The following DNAH8 variants were observed in gnomAD, a reference collection of about 807,000 sequenced individuals.
DNAH8 encodes axonemal beta dynein heavy chain 8.
A neutral mutation model predicts 562.1 loss-of-function variants in DNAH8; 382 were observed. The observed-to-expected ratio is 0.68, with a 90% CI of 0.63 to 0.74. DNAH8 has a LOEUF of 0.74. DNAH8 is among the 30% of genes least tolerant of loss of function. The pLI is 0.00. For missense variants in DNAH8, 5,203 were observed against 5,620.4 expected, an observed-to-expected ratio of 0.93 and a Z score of 2.37; for synonymous variants, 1,881 against 1,919.4, an observed-to-expected ratio of 0.98 and a Z score of 0.52.
intron 11 of DNAH8, chr6:38,763,086 A>G (rs1766679615): frequency 2.8e-6 from 1 of 361,084 alleles, no homozygotes; most frequent in Admixed American, 3.9e-5. Flanking sequence ...CAGCCAGTGA[A>G]CCAATAAAAG....
At chr6:38,832,989 T>C (rs1773969086) in intron 31 of DNAH8, among the ~76,000 whole-genome samples, 2 of 152,112 alleles carry the variant, frequency 1.3e-5, no homozygotes, top group Admixed American at 6.6e-5. Context: ...AAACTTCTAA[T>C]ACCAGGATAT....
Position 38,949,084 on chromosome 6 carries a change from G to A in DNAH8, c.12130-368G>A, listed in dbSNP as rs114191823. Among the ~76,000 whole-genome samples, 640 of 152,042 alleles carry A rather than the reference G, an allele frequency of 4.2e-3. 5 individuals carry two copies. The highest frequency in any genetic ancestry group is 0.014 in the African/African-American group (591 of 41,464). ...GGTGCTACTGGCATCTAGTGGATAG[G>A]GACGCTGCTAAACATCCTACAATGC... On this transcript the variant is annotated intron_variant, in intron 80 of 92. Transcript: ENST00000327475.
intron 18 of DNAH8, among the ~76,000 whole-genome samples, chr6:38,788,186 T>C (rs1158964272): frequency 1.3e-5 from 2 of 151,610 alleles, no homozygotes; most frequent in Admixed American, 6.6e-5. Flanking sequence ...GGAGTCTTGC[T>C]CTGTTGCCAG....
chr6:38,816,100 G>A (rs1362206017), intron 26 of DNAH8, among the ~76,000 whole-genome samples: 2 of 150,408 alleles, frequency 1.3e-5, no homozygotes, highest in Non-Finnish European at 3.0e-5. Flanking sequence ...TTAGTTCTAG[G>A]GTACATGTGC....
intron 91 of DNAH8, among the ~76,000 whole-genome samples, chr6:39,023,915 C>T (rs1029918048): frequency 6.6e-6 from 1 of 152,206 alleles, no homozygotes; most frequent in African/African-American, 2.4e-5. Flanking sequence ...TTCTAGAGTT[C>T]ACCTCCTGGC....
intron 83 of DNAH8, among the ~76,000 whole-genome samples, chr6:38,973,384 T>C (rs571045563): frequency 1.3e-5 from 2 of 152,330 alleles, no homozygotes; most frequent in South Asian, 2.1e-4. Flanking sequence ...GCACACACTG[T>C]ACTTACACAA....
chr6:39,016,832 A>G (rs1561979917), intron 91 of DNAH8, among the ~76,000 whole-genome samples: 1 of 152,146 alleles, frequency 6.6e-6, no homozygotes, highest in Non-Finnish European at 1.5e-5. Flanking sequence ...GTGCTACCTC[A>G]AGGACAAGTG....
rs114966337 is a variant in DNAH8, at chr6:38,722,549, A to G, written c.-34-227A>G. ...GAGCCATAACATAATCAGGAGGAGC[A>G]CTTAAAGTCTGAAAAAGCTCCCAGG... On this transcript the variant is annotated intron_variant, in intron 1 of 92. Coordinates refer to ENST00000327475, the MANE Select transcript of DNAH8 (RefSeq NM_001206927.2). 1.9e-3 allele frequency among the ~76,000 whole-genome samples: 286 copies of G among 151,458 alleles called. 2 individuals carry two copies. The highest frequency in any genetic ancestry group is 6.5e-3 in the African/African-American group (266 of 41,184).
rs147106812 is a variant in DNAH8 at position 38,947,586 on chromosome 6, T to A, written c.12130-1866T>A. Among the ~76,000 whole-genome samples, 33 of 152,180 alleles carry A rather than the reference T, an allele frequency of 2.2e-4. 2 individuals carry two copies. The East Asian group carries it at 3.3e-3, about 15-fold the overall frequency. On this transcript the variant is annotated intron_variant, in intron 80 of 92. Coordinates refer to ENST00000327475, the MANE Select transcript of DNAH8 (RefSeq NM_001206927.2). ...TTTCTTCCTGTGCCTCAGCTGCAGA[T>A]GTGGAGGAGGCCTGTGGGGGACACT...
intron 86 of DNAH8, 94 bp downstream of exon 86, chr6:38,982,556 C>G (rs1032252559): frequency 4.0e-6 from 3 of 748,400 alleles, no homozygotes; most frequent in Non-Finnish European, 6.8e-6. Flanking sequence ...TGTGAATTTG[C>G]TGAGCCCCAT....
intron 5 of DNAH8, 66 bp from the exon 6 acceptor site, chr6:38,737,001 G>A (rs1764145978): frequency 8.5e-7 from 1 of 1,170,650 alleles, no homozygotes; most frequent in Non-Finnish European, 1.2e-6. Flanking sequence ...TATAAAACAG[G>A]TTATGATTTT....
intron 88 of DNAH8, among the ~76,000 whole-genome samples, chr6:39,002,948 G>A (rs1356665930): frequency 1.3e-5 from 2 of 152,138 alleles, no homozygotes; most frequent in Non-Finnish European, 2.9e-5. Flanking sequence ...CAGATAGTTC[G>A]GGTATGCATG....
intron 76 of DNAH8, among the ~76,000 whole-genome samples, chr6:38,932,216 A>ACACACACACACACACACACACACACC (rs375631180): frequency 5.5e-5 from 8 of 145,636 alleles, no homozygotes; most frequent in Admixed American, 1.4e-4. Context: ...ACACACACAC[A>ACACACACACACACACACACACACACC]CCCGTCTCTT....
At chr6:38,736,605 A>T (rs1230843303) in intron 5 of DNAH8, among the ~76,000 whole-genome samples, 1 of 152,088 alleles carries the variant, frequency 6.6e-6, no homozygotes, top group African/African-American at 2.4e-5. Flanking sequence ...CTTAAGATGT[A>T]TCAATTGAAA....
chr6:38,954,350 A>G (rs1762111382), intron 82 of DNAH8, among the ~76,000 whole-genome samples: 1 of 152,220 alleles, frequency 6.6e-6, no homozygotes, highest in South Asian at 2.1e-4. Context: ...CTGATATAAC[A>G]ATATGTACAG....
intron 8 of DNAH8, among the ~76,000 whole-genome samples, chr6:38,747,621 G>A (rs1370579136): frequency 3.3e-5 from 5 of 152,042 alleles, no homozygotes; most frequent in African/African-American, 1.2e-4. Context: ...TCCTGACCTC[G>A]TGATCTGCCC....
chr6:39,024,890 G>A (rs1162557331), intron 91 of DNAH8, among the ~76,000 whole-genome samples: 1 of 152,178 alleles, frequency 6.6e-6, no homozygotes, highest in Non-Finnish European at 1.5e-5. Context: ...CCTTCACTCA[G>A]CTGCTTTGGT....
chr6:38,744,056 CAGTTA>C (rs1764730771), intron 8 of DNAH8: 3 of 152,042 alleles, frequency 2.0e-5, no homozygotes, highest in South Asian at 4.1e-4. Flanking sequence ...TACTAATTAT[CAGTTA>C]AGTTATTATT....
intron 91 of DNAH8, among the ~76,000 whole-genome samples, chr6:39,023,212 C>T (rs1767039555): frequency 6.6e-6 from 1 of 152,236 alleles, no homozygotes; most frequent in South Asian, 2.1e-4. Context: ...TTGTGCCAGC[C>T]AGGGGTGCAG....
Sources: allele counts gnomAD v4.1 joint callset (sites outside exome capture counted in the v4.1 genomes callset), GRCh38; gene constraint gnomAD v4.1.1; transcripts MANE v1.5; gene names NCBI Gene and HGNC (gene_info 2026-07-23, HGNC 2026-07-21).